Variants in CRYL1 observed in about 807,000 individuals in gnomAD.
CRYL1 encodes lambda-crystallin homolog.
In CRYL1, 29 loss-of-function variants were observed where a neutral mutation model predicts 36.6. The observed-to-expected ratio is 0.79, with a 90% CI of 0.59 to 1.08. The LOEUF (loss-of-function observed/expected upper bound fraction) is 1.08, where lower values mean the gene tolerates loss of function less well. Among genes scored for constraint, CRYL1 ranks in the 50% least tolerant of loss-of-function variants. The pLI is 0.00. For synonymous variants in CRYL1, 152 were observed against 151.5 expected (o/e 1.00, Z -0.02); for missense variants, 411 against 407.9 (o/e 1.01, Z -0.06).
intron 2 of CRYL1, among the ~76,000 whole-genome samples, chr13:20,495,119 A>AG (rs1348302172): frequency 3.3e-5 from 5 of 152,152 alleles, no homozygotes; most frequent in African/African-American, 7.2e-5. Context: ...GATTAATTCC[A>AG]ATTTTTTTTA....
intron 3 of CRYL1, among the ~76,000 whole-genome samples, chr13:20,457,640 C>T (rs150149324): frequency 1.1e-3 from 163 of 152,300 alleles, no homozygotes; most frequent in Middle Eastern, 3.4e-3. Flanking sequence ...GCTTCGGTGT[C>T]ATAAGACAAA....
At chr13:20,521,412 T>G (rs543654068) in intron 1 of CRYL1, among the ~76,000 whole-genome samples, 1 of 152,236 alleles carries the variant, frequency 6.6e-6, no homozygotes, top group African/African-American at 2.4e-5. Context: ...CCTGGCTTGG[T>G]TTTCCTCAGG....
At chr13:20,466,102 C>G (rs984259841) in intron 3 of CRYL1, among the ~76,000 whole-genome samples, 1 of 152,166 alleles carries the variant, frequency 6.6e-6, no homozygotes, top group Non-Finnish European at 1.5e-5. Flanking sequence ...CTTGAAGAGC[C>G]TGCAGAACCA....
At chr13:20,430,276 C>G (rs2032029423) in intron 5 of CRYL1, 1 of 985,262 alleles carries the variant, frequency 1.0e-6, no homozygotes, top group South Asian at 4.7e-5. Flanking sequence ...CTCTTGACCT[C>G]TTCCTGTTCT....
chr13:20,478,129 T>C (rs990266136), intron 3 of CRYL1, among the ~76,000 whole-genome samples: 5 of 151,936 alleles, frequency 3.3e-5, no homozygotes, highest in Middle Eastern at 3.4e-3. Context: ...GCAAATATTA[T>C]AGTTGCTAAA....
chr13:20,456,637 C>CACACACA (rs72511414), intron 3 of CRYL1, among the ~76,000 whole-genome samples: 1 of 32,274 alleles, frequency 3.1e-5, no homozygotes, highest in Non-Finnish European at 5.9e-5. Context: ...CACACACACA[C>CACACACA]AAAGACCACG....
intron 5 of CRYL1, among the ~76,000 whole-genome samples, chr13:20,423,318 G>A (rs2031860816): frequency 6.6e-6 from 1 of 152,204 alleles, no homozygotes; most frequent in South Asian, 2.1e-4. Flanking sequence ...TAGAAGTGGT[G>A]AGAGTAGGCA....
intron 3 of CRYL1, among the ~76,000 whole-genome samples, chr13:20,469,140 A>T (rs2033003426): frequency 6.6e-6 from 1 of 152,208 alleles, no homozygotes; most frequent in African/African-American, 2.4e-5. Context: ...TGAGGGCTTT[A>T]TGATTAAAAT....
intron 2 of CRYL1, among the ~76,000 whole-genome samples, chr13:20,511,686 G>C (rs899358439): frequency 6.6e-6 from 1 of 152,200 alleles, no homozygotes; most frequent in Admixed American, 6.5e-5. Context: ...GTCTGAGATG[G>C]TCAGAACCCT....
intron 2 of CRYL1, among the ~76,000 whole-genome samples, chr13:20,504,773 C>G (rs1048856213): frequency 6.6e-6 from 1 of 152,152 alleles, no homozygotes. Context: ...TTGTGCCACC[C>G]TGTTAGAAAA....
chr13:20,412,918 T>C (rs8181858), intron 6 of CRYL1, among the ~76,000 whole-genome samples: 2 of 152,316 alleles, frequency 1.3e-5, no homozygotes, highest in East Asian at 3.9e-4. Flanking sequence ...GTCAGTCCCC[T>C]ATCTTTTCGT....
At chr13:20,519,959 AT>A (rs2034065762) in intron 1 of CRYL1, among the ~76,000 whole-genome samples, 1 of 152,220 alleles carries the variant, frequency 6.6e-6, no homozygotes, top group Non-Finnish European at 1.5e-5. Context: ...AACAGTCCAT[AT>A]CTTTTAGATA....
chr13:20,524,868 G>C (rs566418357), intron 1 of CRYL1, among the ~76,000 whole-genome samples: 6 of 152,150 alleles, frequency 3.9e-5, no homozygotes, highest in Admixed American at 2.6e-4. Context: ...TACACTGATG[G>C]GGGGCGGAGT....
chr13:20,484,501 G>A (rs2137465587), intron 3 of CRYL1, among the ~76,000 whole-genome samples: 1 of 152,210 alleles, frequency 6.6e-6, no homozygotes, highest in East Asian at 1.9e-4. Flanking sequence ...GTGAAACCCT[G>A]TTTCTACTAA....
At chr13:20,496,713 T>A (rs34345313) in intron 2 of CRYL1, among the ~76,000 whole-genome samples, 6,775 of 151,676 alleles carry the variant, frequency 0.045, 408 homozygotes, top group African/African-American at 0.13. Context: ...CTCAGGAGTT[T>A]GAGACCAGCC....
Position 20,467,806 on chromosome 13 carries a change from C to T in CRYL1, c.276+21564G>A, listed in dbSNP as rs546536587. Among the ~76,000 whole-genome samples the T allele has an allele frequency of 1.1e-4, 17 of 152,258 alleles. No homozygotes were observed. In the South Asian group the frequency reaches 3.5e-3, roughly 32 times the overall value. On this transcript the variant is annotated intron_variant, in intron 3 of 7. Coordinates refer to ENST00000298248, the MANE Select transcript of CRYL1 (RefSeq NM_015974.3). ...GGAAAGATAAACATGAATACTTCAA[C>T]ACAGGGGTCTGCAACGCCCGGTGCC...
chr13:20,487,637 GGAACAGTGGTTTAT>G (rs2033426739), intron 3 of CRYL1, among the ~76,000 whole-genome samples: 1 of 152,042 alleles, frequency 6.6e-6, no homozygotes, highest in South Asian at 2.1e-4. Flanking sequence ...CTCACGGCTG[GGAACAGTGGTTTAT>G]GCCTATAATC....
chr13:20,434,275 T>C (rs1166267222), intron 4 of CRYL1, among the ~76,000 whole-genome samples: 1 of 152,138 alleles, frequency 6.6e-6, no homozygotes, highest in Non-Finnish European at 1.5e-5. Flanking sequence ...TACAAAAGGA[T>C]TGTAAAATGC....
rs2031638628 is a variant in CRYL1, at chr13:20,415,472, A to G, written c.634-2085T>C. 6.6e-6 allele frequency among the ~76,000 whole-genome samples: 1 copy of G among 152,154 alleles called. No homozygotes were observed. Among genetic ancestry groups the G allele is most frequent in the Non-Finnish European group, 1.5e-5 (1 of 68,002 alleles). ...GCGTCTGCAGAGAGCGCGGCGGTGAAGCGGGAGCAGGCGGCCTGGCCCAGG... is the reference window on the plus strand; with the variant it reads ...GCGTCTGCAGAGAGCGCGGCGGTGAGGCGGGAGCAGGCGGCCTGGCCCAGG... On this transcript the variant is annotated intron_variant, in intron 5 of 7. Coordinates refer to ENST00000298248, the MANE Select transcript of CRYL1 (RefSeq NM_015974.3). The surrounding 1 kb of genome is among the most constrained non-coding windows in gnomAD (Gnocchi z 4.1).
Sources: allele counts gnomAD v4.1 joint callset (sites outside exome capture counted in the v4.1 genomes callset), GRCh38; gene constraint gnomAD v4.1.1; non-coding constraint Gnocchi (gnomAD v3.1); transcripts MANE v1.5; gene names NCBI Gene and HGNC (gene_info 2026-07-23, HGNC 2026-07-21).